The following SLC15A5 variants were observed in gnomAD, a reference collection of about 807,000 sequenced individuals.
The protein encoded by SLC15A5 is Peptide/histidine transporter ENSP00000340402.
A neutral mutation model predicts 56.1 loss-of-function variants in SLC15A5; 58 were observed. The observed-to-expected ratio is 1.03, with a 90% CI of 0.84 to 1.29. SLC15A5 has a LOEUF of 1.29. Among genes scored for constraint, SLC15A5 ranks in the 50% most tolerant of loss-of-function variants. The pLI, the probability that SLC15A5 is intolerant of heterozygous loss-of-function variation, is 0.00. For missense variants in SLC15A5, 681 were observed against 672.1 expected (o/e 1.01, Z -0.15); for synonymous variants, 264 against 250.5 (o/e 1.05, Z -0.51).
At chr12:16,251,177 T>G (rs1458152472) in intron 3 of SLC15A5, among the ~76,000 whole-genome samples, 1 of 151,948 alleles carries the variant, frequency 6.6e-6, no homozygotes, top group East Asian at 1.9e-4. Flanking sequence ...ACTTATGAGA[T>G]GCAGCAAGAG....
rs987216423 is a variant in SLC15A5, at chr12:16,257,856, A to G, written c.599T>C (p.Met200Thr). 6.7e-7 allele frequency: 1 copy of G among 1,495,354 alleles called. No individual in the cohort carries two copies. The highest frequency in any genetic ancestry group is 8.8e-7 in the Non-Finnish European group (1 of 1,132,594). The allele number at this position is 1,495,354 out of a possible 1,614,324, so 92.6% of individuals were successfully genotyped here. ...MSFFNWFYWLMNLNATIVFLG... is the reference protein window; with the variant it reads ...MSFFNWFYWLTNLNATIVFLG... ...AAACACAATAGTTGCATTTAGGTTC[A>G]TGAGCCAATAAAACCTGGGGTATAC... Residue 200 changes from methionine (M) to threonine (T), a missense_variant, in exon 3 of 9, where the codon ATG becomes ACG. By Grantham distance (81) the Met-to-Thr change is moderately conservative (BLOSUM62 -1). Transcript: ENST00000344941.
chr12:16,273,763 TC>T (rs1360821491), intron 1 of SLC15A5, among the ~76,000 whole-genome samples: 1 of 149,390 alleles, frequency 6.7e-6, no homozygotes, highest in South Asian at 2.1e-4. Flanking sequence ...GAAATAGCAT[TC>T]CCCCCCATCA....
chr12:16,244,191 T>C (rs1864439480), intron 4 of SLC15A5, among the ~76,000 whole-genome samples: 1 of 152,160 alleles, frequency 6.6e-6, no homozygotes, highest in Non-Finnish European at 1.5e-5. Context: ...GTTTAGCTAC[T>C]CGTTAGTACC....
rs1397753922 is a variant in SLC15A5, at chr12:16,269,535, G to A, written c.584+3026C>T. On this transcript the variant is annotated intron_variant, in intron 2 of 8. Coordinates refer to ENST00000344941, the MANE Select transcript of SLC15A5 (RefSeq NM_001170798.1). This position sits in a 1 kb window ranked among gnomAD's most constrained non-coding sequence, Gnocchi z 4.7. ...ATATTAAAATAGATTCTGGAAAAAT[G>A]CTGTGGGATAATACATTTTTACCTC... Among the ~76,000 whole-genome samples, 1 of 152,128 alleles carries A rather than the reference G, an allele frequency of 6.6e-6. No homozygotes were observed. Among genetic ancestry groups the A allele is most frequent in the Admixed American group, 6.5e-5 (1 of 15,270 alleles).
Position 16,235,709 on chromosome 12 carries a change from G to A in SLC15A5, c.1162+3972C>T, listed in dbSNP as rs533498625. On this transcript the variant is annotated intron_variant, in intron 5 of 8. Coordinates refer to ENST00000344941, the MANE Select transcript of SLC15A5 (RefSeq NM_001170798.1). The surrounding 1 kb of genome is among the most constrained non-coding windows in gnomAD (Gnocchi z 4.1). Reference sequence around the variant, plus strand: ...GTATTTTACAATGGGTACATACCATGATGTTTCTTGGGAAAATATATCAGT... The same window carrying A: ...GTATTTTACAATGGGTACATACCATAATGTTTCTTGGGAAAATATATCAGT... Among the ~76,000 whole-genome samples, 1 of 152,198 alleles carries A rather than the reference G, an allele frequency of 6.6e-6. No homozygotes were observed. Among genetic ancestry groups the A allele is most frequent in the South Asian group, 2.1e-4 (1 of 4,828 alleles).
Position 16,244,608 on chromosome 12 carries a change from T to C in SLC15A5, c.947A>G (p.Gln316Arg), listed in dbSNP as rs371339247. Residue 316 changes from glutamine (Q) to arginine (R), a missense_variant, in exon 4 of 9, where the codon CAG becomes CGG. By Grantham distance (43) the Gln-to-Arg change is conservative. Transcript: ENST00000344941. The part of the protein sequence containing the change: ...FLTLLPLFIF[Q>R]LLYRMCIMQI... Reference sequence around the variant, plus strand: ...CATAATGCACATTCTGTATAGGAGCTGAAAAATGAAGAGAGGGAGAAGGGT... The same window carrying C: ...CATAATGCACATTCTGTATAGGAGCCGAAAAATGAAGAGAGGGAGAAGGGT... The C allele has an allele frequency of 1.3e-6, 2 of 1,537,668 alleles. No individual in the cohort carries two copies. Among genetic ancestry groups the C allele is most frequent in the African/African-American group, 2.7e-5 (2 of 73,030 alleles).
At chr12:16,256,897 A>G (rs557368346) in intron 3 of SLC15A5, among the ~76,000 whole-genome samples, 5 of 122,866 alleles carry the variant, frequency 4.1e-5, no homozygotes, top group African/African-American at 1.2e-4. Flanking sequence ...TTAAATAGAG[A>G]TAGAGATGCA....
intron 2 of SLC15A5, among the ~76,000 whole-genome samples, chr12:16,264,500 A>G (rs908962740): frequency 2.0e-5 from 3 of 152,174 alleles, no homozygotes; most frequent in Non-Finnish European, 2.9e-5. Context: ...TGCTGAAATG[A>G]GTTGATACTT....
chr12:16,262,044 G>T (rs4110097), intron 2 of SLC15A5, among the ~76,000 whole-genome samples: 1 of 152,014 alleles, frequency 6.6e-6, no homozygotes, highest in Non-Finnish European at 1.5e-5. Flanking sequence ...TTGTTTCTCA[G>T]AAATCATTGC....
At chr12:16,192,171 G>A (rs779672556) in intron 8 of SLC15A5, among the ~76,000 whole-genome samples, 1 of 152,222 alleles carries the variant, frequency 6.6e-6, no homozygotes, top group Non-Finnish European at 1.5e-5. Context: ...GTGGTGGGGA[G>A]TAAGTGCAGT....
At chr12:16,265,380 C>G (rs1161938391) in intron 2 of SLC15A5, among the ~76,000 whole-genome samples, 1 of 152,186 alleles carries the variant, frequency 6.6e-6, no homozygotes, top group African/African-American at 2.4e-5. Context: ...CTTAACTTGT[C>G]CTATTTCTTG....
chr12:16,270,574 C>T (rs1255852434), intron 2 of SLC15A5, among the ~76,000 whole-genome samples: 1 of 152,134 alleles, frequency 6.6e-6, no homozygotes, highest in Non-Finnish European at 1.5e-5. Context: ...CAATAGCTAT[C>T]ATAATTTGAT....
In SLC15A5 at chr12:16,189,720, C is replaced by T; in HGVS notation, c.1688G>A (p.Gly563Asp). The T allele has an allele frequency of 6.5e-7, 1 of 1,530,246 alleles. No individual in the cohort carries two copies. Among genetic ancestry groups the T allele is most frequent in the Non-Finnish European group, 8.7e-7 (1 of 1,143,370 alleles). The allele number at this position is 1,530,246 out of a possible 1,614,324, so 94.8% of individuals were successfully genotyped here. A position where few individuals can be genotyped will look rare whatever the true frequency, so the allele number is the denominator to read the frequency against. Residue 563 changes from glycine (G) to aspartate (D), a missense_variant, in exon 9 of 9, where the codon GGC becomes GAC. Coordinates refer to ENST00000344941, the MANE Select transcript of SLC15A5 (RefSeq NM_001170798.1). ...LLHEKSLKFY[G>D]SIQEFSSSID... ...ACTTGAAGAAAATTCCTGTATACTG[C>T]CATAAAATTTCAGAGATTTTTCGTG...
chr12:16,190,011 A>G (rs775634853), intron 8 of SLC15A5, among the ~76,000 whole-genome samples, 196 bp from the exon 9 acceptor site: 2 of 152,156 alleles, frequency 1.3e-5, no homozygotes, highest in East Asian at 1.9e-4. Flanking sequence ...GACTTAGTAA[A>G]GTGTCTCATA....
intron 1 of SLC15A5, among the ~76,000 whole-genome samples, chr12:16,274,147 C>G (rs546196799): frequency 1.3e-5 from 2 of 151,798 alleles, no homozygotes; most frequent in Non-Finnish European, 1.5e-5. Flanking sequence ...TAAATGAATA[C>G]TGTAAAATAC....
chr12:16,206,826 G>A (rs1864024314), intron 7 of SLC15A5, among the ~76,000 whole-genome samples: 1 of 152,168 alleles, frequency 6.6e-6, no homozygotes, highest in South Asian at 2.1e-4. Flanking sequence ...AAAATTGTAG[G>A]GAAATTGCTA....
At chr12:16,195,539 C>T (rs1345500352) in intron 7 of SLC15A5, among the ~76,000 whole-genome samples, 1 of 151,960 alleles carries the variant, frequency 6.6e-6, no homozygotes, top group Non-Finnish European at 1.5e-5. Context: ...ATGAAATTAT[C>T]ATCTTTGAAG....
chr12:16,239,959 C>A, intron 4 of SLC15A5, 92 bp from the exon 5 acceptor site: 1 of 1,137,098 alleles, frequency 8.8e-7, no homozygotes, highest in Non-Finnish European at 1.2e-6. Flanking sequence ...CTTGCACGTA[C>A]TCTGTGATGG....
chr12:16,260,412 G>T (rs1473941084), intron 2 of SLC15A5, among the ~76,000 whole-genome samples: 1 of 151,850 alleles, frequency 6.6e-6, no homozygotes, highest in South Asian at 2.1e-4. Context: ...TGTTAAGTTC[G>T]GGTTTTTTCA....
Sources: gnomAD v4.1 joint callset for allele counts (sites outside exome capture counted in the v4.1 genomes callset) on GRCh38, gnomAD v4.1.1 for gene constraint, Gnocchi (gnomAD v3.1) non-coding constraint, MANE v1.5 for transcripts, NCBI Gene and HGNC (gene_info 2026-07-23, HGNC 2026-07-21) for gene names.